Variants in PCDHA12 observed in about 807,000 individuals in gnomAD.
PCDHA12 encodes the protein protocadherin alpha-12.
PCDHA12 carries 44 observed loss-of-function variants against 60.0 expected under a neutral mutation model. That is an observed-to-expected ratio of 0.73 (90% CI 0.58 to 0.94). The LOEUF (loss-of-function observed/expected upper bound fraction) is 0.94, where lower values mean the gene tolerates loss of function less well. Ranked by LOEUF, PCDHA12 falls within the 40% of genes least tolerant of loss-of-function variation. PCDHA12 has a pLI of 0.00. For synonymous variants in PCDHA12, 569 were observed against 553.0 expected, an observed-to-expected ratio of 1.03 and a Z score of -0.40; for missense variants, 1,276 against 1,239.7, an observed-to-expected ratio of 1.03 and a Z score of -0.44.
At chr5:140,878,747 A>G (rs1371286502) in intron 1 of PCDHA12, among the ~76,000 whole-genome samples, 1 of 152,186 alleles carries the variant, frequency 6.6e-6, no homozygotes, top group Non-Finnish European at 1.5e-5. Context: ...ACTTTCTTAC[A>G]TATCTTTAGT....
intron 1 of PCDHA12, among the ~76,000 whole-genome samples, chr5:140,919,029 A>C (rs1474107507): frequency 6.6e-6 from 1 of 152,126 alleles, no homozygotes; most frequent in Non-Finnish European, 1.5e-5. Flanking sequence ...TCTTCTGCCT[A>C]GTTGTTGTCC....
chr5:140,941,175 C>G (rs1344326389), intron 1 of PCDHA12, among the ~76,000 whole-genome samples: 1 of 145,416 alleles, frequency 6.9e-6, no homozygotes, highest in Admixed American at 6.8e-5. Flanking sequence ...CCATCTTGAA[C>G]ATCCTGCTTC....
chr5:140,929,143 T>C (rs2085863317), intron 1 of PCDHA12: 1 of 1,614,234 alleles, frequency 6.2e-7, no homozygotes, highest in Non-Finnish European at 8.5e-7. Context: ...TGAGAGACTT[T>C]CTCAGACTTA....
At chr5:140,927,378 C>T in intron 1 of PCDHA12, 3 of 1,614,110 alleles carry the variant, frequency 1.9e-6, no homozygotes, top group Non-Finnish European at 2.5e-6. Flanking sequence ...TAAGCTACAG[C>T]CTAAGCCCCA....
intron 1 of PCDHA12, chr5:140,883,864 G>A: frequency 6.2e-7 from 1 of 1,613,210 alleles, no homozygotes; most frequent in East Asian, 2.2e-5. Flanking sequence ...AGCTGTTGCA[G>A]TTCCAGGTGA....
At chr5:140,990,541 A>T (rs868916666) in intron 3 of PCDHA12, among the ~76,000 whole-genome samples, 1 of 152,210 alleles carries the variant, frequency 6.6e-6, no homozygotes, top group Admixed American at 6.5e-5. Context: ...CATCATAGAT[A>T]CTGTATTACC....
At chr5:140,904,949 T>A (rs2071498656) in intron 1 of PCDHA12, among the ~76,000 whole-genome samples, 1 of 152,228 alleles carries the variant, frequency 6.6e-6, no homozygotes, top group South Asian at 2.1e-4. Flanking sequence ...TAGTCCTTTG[T>A]CTGATGCAGA....
intron 1 of PCDHA12, among the ~76,000 whole-genome samples, chr5:140,951,315 C>A (rs782114634): frequency 6.6e-6 from 1 of 151,988 alleles, no homozygotes; most frequent in Non-Finnish European, 1.5e-5. Context: ...ATGTGTTATT[C>A]TTGAGATTCA....
intron 1 of PCDHA12, among the ~76,000 whole-genome samples, chr5:140,948,853 C>T (rs1385628610): frequency 6.6e-6 from 1 of 151,298 alleles, no homozygotes; most frequent in Non-Finnish European, 1.5e-5. Context: ...TATTTGCCTT[C>T]TTATATTACT....
intron 3 of PCDHA12, among the ~76,000 whole-genome samples, chr5:140,983,854 T>C (rs1554245766): frequency 6.6e-6 from 1 of 152,206 alleles, no homozygotes; most frequent in Admixed American, 6.5e-5. Flanking sequence ...TTAAGTAACA[T>C]GCAGCTAAGG....
chr5:140,877,065 G>T lies in PCDHA12; in HGVS notation c.1593G>T (p.Leu531=), dbSNP rs782807909. The T allele has an allele frequency of 6.2e-7, 1 of 1,613,044 alleles. No individual in the cohort carries two copies. The highest frequency in any genetic ancestry group is 8.5e-7 in the Non-Finnish European group (1 of 1,179,852). Residue 531 remains leucine, a synonymous_variant, in exon 1 of 4, where the codon CTG becomes CTT. Coordinates refer to ENST00000398631, the MANE Select transcript of PCDHA12 (RefSeq NM_018903.4). The part of the protein sequence containing the change: ...QPLDHEELEL[L]QFQVSARDAG... ...TAGACCACGAGGAGCTGGAGCTGCT[G>T]CAGTTCCAGGTGAGCGCGCGCGACG...
intron 1 of PCDHA12, among the ~76,000 whole-genome samples, chr5:140,974,825 A>G (rs2096642596): frequency 6.6e-6 from 1 of 152,198 alleles, no homozygotes; most frequent in Admixed American, 6.5e-5. Flanking sequence ...ATGCAACATA[A>G]TGATTATTTT....
intron 1 of PCDHA12, among the ~76,000 whole-genome samples, chr5:140,907,826 C>T (rs1448630927): frequency 6.6e-6 from 1 of 152,192 alleles, no homozygotes; most frequent in Non-Finnish European, 1.5e-5. Context: ...TCATCCTATC[C>T]ACTTGTTTAT....
At chr5:140,901,006 C>T (rs2068410974) in intron 1 of PCDHA12, among the ~76,000 whole-genome samples, 2 of 152,070 alleles carry the variant, frequency 1.3e-5, no homozygotes, top group African/African-American at 4.8e-5. Flanking sequence ...AGTATGTCTT[C>T]TTTTGAGAAA....
chr5:140,937,317 G>C (rs1282380622), intron 1 of PCDHA12, among the ~76,000 whole-genome samples: 1 of 152,048 alleles, frequency 6.6e-6, no homozygotes, highest in Non-Finnish European at 1.5e-5. Context: ...GATTACAGGC[G>C]TGAGCCACCG....
At chr5:140,994,789 G>A (rs901197365) in intron 3 of PCDHA12, among the ~76,000 whole-genome samples, 8 of 152,260 alleles carry the variant, frequency 5.3e-5, no homozygotes, top group South Asian at 4.1e-4. Flanking sequence ...GAAACAATGC[G>A]TGCATGCAAA....
chr5:140,884,441 G>A, intron 1 of PCDHA12: 2 of 1,613,812 alleles, frequency 1.2e-6, no homozygotes, highest in Non-Finnish European at 1.7e-6. Flanking sequence ...GCGGTGCTCG[G>A]CACCGCCCAC....
At chr5:140,995,393 G>T (rs1267179638) in intron 3 of PCDHA12, among the ~76,000 whole-genome samples, 5 of 152,184 alleles carry the variant, frequency 3.3e-5, no homozygotes, top group Non-Finnish European at 7.3e-5. Flanking sequence ...GATAAAGCGG[G>T]ATGGCTCGAG....
intron 1 of PCDHA12, among the ~76,000 whole-genome samples, chr5:140,897,068 T>A (rs2153455202): frequency 6.6e-6 from 1 of 152,252 alleles, no homozygotes; most frequent in East Asian, 1.9e-4. Context: ...CTATGTCTTA[T>A]TCATTTTTTC....
Sources: allele counts gnomAD v4.1 joint callset (sites outside exome capture counted in the v4.1 genomes callset), GRCh38; gene constraint gnomAD v4.1.1; transcripts MANE v1.5; gene names NCBI Gene and HGNC (gene_info 2026-07-23, HGNC 2026-07-21).